Variants in PSD4 observed in about 807,000 individuals in gnomAD.
The protein encoded by PSD4 is pleckstrin and Sec7 domain containing 4.
A neutral mutation model predicts 112.5 loss-of-function variants in PSD4; 59 were observed. The observed-to-expected ratio is 0.52, with a 90% confidence interval of 0.43 to 0.65. The LOEUF (loss-of-function observed/expected upper bound fraction) is 0.65, where lower values mean the gene tolerates loss of function less well. PSD4 is among the 30% of genes least tolerant of loss of function. PSD4 has a pLI of 0.00. For missense variants in PSD4, 1,267 were observed against 1,352.6 expected (o/e 0.94, Z 0.99); for synonymous variants, 533 against 540.0 (o/e 0.99, Z 0.18).
rs1167604189 is a variant in PSD4 at position 113,207,136 on chromosome 2, C to T, written c.*5721C>T. ...CTCTCTGCTTCCTGGAAGTTTCAAACTCAAATCCAGGAATAGTCTCCTGTA... is the reference window on the plus strand; with the variant it reads ...CTCTCTGCTTCCTGGAAGTTTCAAATTCAAATCCAGGAATAGTCTCCTGTA... On this transcript the variant is annotated 3_prime_UTR_variant, in exon 17 of 17. Coordinates refer to ENST00000245796, the MANE Select transcript of PSD4 (RefSeq NM_012455.3). The T allele has an allele frequency of 6.6e-6, 1 of 152,170 alleles. No individual in the cohort carries two copies. The highest frequency in any genetic ancestry group is 1.5e-5 in the Non-Finnish European group (1 of 68,044). 9.4% of individuals were successfully genotyped at this position (152,170 alleles called of 1,614,324 possible).
chr2:113,193,319 C>G lies in PSD4; in HGVS notation c.1981C>G (p.Gln661Glu), dbSNP rs778695698. The G allele has an allele frequency of 1.1e-5, 18 of 1,601,430 alleles. No individual in the cohort carries two copies. Among genetic ancestry groups the G allele is most frequent in the Admixed American group, 3.6e-5 (2 of 55,492 alleles). Reference sequence around the variant, plus strand: ...TCAGGAACGGGAGCGAATCCTCTACCAGTTCTCCAGACGCTTCCACCATTG... The same window carrying G: ...TCAGGAACGGGAGCGAATCCTCTACGAGTTCTCCAGACGCTTCCACCATTG... Reference protein sequence around the residue: ...ETQERERILYQFSRRFHHCNP... With the variant: ...ETQERERILYEFSRRFHHCNP... The change falls in exon 8 of 17, where the codon CAG (glutamine) becomes GAG (glutamate). Residue 661 changes from glutamine (Q) to glutamate (E), a missense_variant. Gln to Glu is a conservative substitution (Grantham distance 29, BLOSUM62 2). Transcript: ENST00000245796.
At chr2:113,180,160 C>T (rs1473907699) in intron 1 of PSD4, among the ~76,000 whole-genome samples, 2 of 152,164 alleles carry the variant, frequency 1.3e-5, no homozygotes, top group Non-Finnish European at 2.9e-5. Context: ...CCCTGACCTT[C>T]GTGAGAGAGC....
At chr2:113,192,347 C>T in intron 5 of PSD4, 33 bp from the exon 6 acceptor site, 1 of 1,604,518 alleles carries the variant, frequency 6.2e-7, no homozygotes, top group Non-Finnish European at 8.5e-7. Flanking sequence ...TGCAAGAACA[C>T]TTGACCCAGA....
chr2:113,190,267 A>C (rs1688410382), intron 5 of PSD4, among the ~76,000 whole-genome samples: 1 of 152,146 alleles, frequency 6.6e-6, no homozygotes, highest in South Asian at 2.1e-4. Context: ...TTGTTGAAAA[A>C]GTGTGTCCTC....
intron 12 of PSD4, 68 bp from the exon 13 acceptor site, chr2:113,197,496 C>G: frequency 6.5e-7 from 1 of 1,547,954 alleles, no homozygotes; most frequent in Non-Finnish European, 8.9e-7. Context: ...TGCACACTTG[C>G]GTGTGTCTGA....
chr2:113,199,005 G>C (rs1381143049), intron 15 of PSD4, 78 bp from the exon 16 acceptor site: 1 of 1,512,198 alleles, frequency 6.6e-7, no homozygotes, highest in East Asian at 2.5e-5. Context: ...GAGGCGGCCA[G>C]GGGGGCGGCG....
At chr2:113,180,062 G>A (rs1688086784) in intron 1 of PSD4, among the ~76,000 whole-genome samples, 1 of 152,288 alleles carries the variant, frequency 6.6e-6, no homozygotes, top group East Asian at 1.9e-4. Flanking sequence ...ATGCATACTG[G>A]CCCTCCTTCC....
chr2:113,187,653 C>T (rs1688336341), intron 5 of PSD4, among the ~76,000 whole-genome samples: 1 of 152,232 alleles, frequency 6.6e-6, no homozygotes, highest in African/African-American at 2.4e-5. Context: ...TCTTCTGCTT[C>T]CCCCACAACG....
At chr2:113,186,356 A>C in intron 5 of PSD4, 101 bp downstream of exon 5, 1 of 1,262,560 alleles carries the variant, frequency 7.9e-7, no homozygotes, top group Non-Finnish European at 1.1e-6. Context: ...GGAATTAAAC[A>C]TACCCATATT....
At chr2:113,190,437 A>G (rs1688414200) in intron 5 of PSD4, among the ~76,000 whole-genome samples, 1 of 152,060 alleles carries the variant, frequency 6.6e-6, no homozygotes, top group Non-Finnish European at 1.5e-5. Context: ...AACAGCTGTT[A>G]TTATTATTAT....
intron 2 of PSD4, 27 bp downstream of exon 2, chr2:113,183,539 G>A (rs773302185): frequency 2.0e-6 from 3 of 1,504,506 alleles, no homozygotes; most frequent in Admixed American, 2.2e-5. Flanking sequence ...GAACCAACCG[G>A]GGCTGTGCTG....
chr2:113,203,581 G>T lies in PSD4; in HGVS notation c.*2166G>T, dbSNP rs11682347. On this transcript the variant is annotated 3_prime_UTR_variant, in exon 17 of 17. Coordinates refer to ENST00000245796, the MANE Select transcript of PSD4 (RefSeq NM_012455.3). ...TTTTTTTTTTTTTTTTTTTTTTTTT[G>T]GAGACGGAGTTTCGCTCTTGTAACC... 0.7 allele frequency: 21,784 copies of T among 31,234 alleles called. 7,926 individuals are homozygous for T. The highest frequency in any genetic ancestry group is 0.91 in the Middle Eastern group (40 of 44). The allele number at this position is 31,234 out of a possible 1,614,324, so 1.9% of individuals were successfully genotyped here.
chr2:113,192,188 C>T (rs1688460945), intron 5 of PSD4, among the ~76,000 whole-genome samples, 192 bp from the exon 6 acceptor site: 1 of 151,972 alleles, frequency 6.6e-6, no homozygotes, highest in African/African-American at 2.4e-5. Flanking sequence ...TGCATGAATA[C>T]CTTCCTCTCG....
In PSD4 at chr2:113,180,826, T is replaced by C. The variant is rs144228490; in HGVS notation, c.-111-1520T>C. Among the ~76,000 whole-genome samples the C allele has an allele frequency of 1.2e-3, 183 of 152,238 alleles. 1 individual carries two copies. The highest frequency in any genetic ancestry group is 2.0e-3 in the Non-Finnish European group (136 of 68,012). The stretch of plus-strand genomic sequence containing the variant: ...GGAGCATGTGTGTGTTTGTTAATAG[T>C]CTTGCTCCCCAAAATATTCTAATAT... On this transcript the variant is annotated intron_variant, in intron 1 of 16. Transcript: ENST00000245796.
chr2:113,184,927 C>G (rs1275352698), intron 2 of PSD4, 30 bp from the exon 3 acceptor site: 34 of 1,612,988 alleles, frequency 2.1e-5, no homozygotes, highest in Non-Finnish European at 2.9e-5. Context: ...TCCTCTCCTT[C>G]TCTCCTCTGT....
intron 1 of PSD4, among the ~76,000 whole-genome samples, chr2:113,181,715 T>C (rs939011066): frequency 6.6e-6 from 1 of 152,162 alleles, no homozygotes; most frequent in East Asian, 1.9e-4. Flanking sequence ...AGAGAGCCCC[T>C]TGCTGCTTCC....
intron 5 of PSD4, among the ~76,000 whole-genome samples, chr2:113,188,063 T>C (rs1688346401): frequency 6.6e-6 from 1 of 151,892 alleles, no homozygotes; most frequent in Non-Finnish European, 1.5e-5. Context: ...AAAATAAAAA[T>C]AAAGAATAAA....
Position 113,199,094 on chromosome 2 carries a change from T to G in PSD4, c.2781T>G (p.His927Gln), listed in dbSNP as rs1481819676. Reference protein sequence around the residue: ...GPAQSSLEEQHRSHENCLDAA... With the variant: ...GPAQSSLEEQQRSHENCLDAA... The stretch of plus-strand genomic sequence containing the variant: ...CCCGCTGCTCGCAGGAGGAGCAGCA[T>G]CGATCCCACGAGAACTGCCTGGACG... Residue 927 changes from histidine (H) to glutamine (Q), a missense_variant, in exon 16 of 17, where the codon CAT (histidine) becomes CAG (glutamine). Physicochemically the swap from His to Gln is conservative, Grantham distance 24. Around this residue, in one of 2 missense-constraint regions of PSD4, gnomAD observed 544 missense variants for 648.6 expected, o/e 0.84. Coordinates refer to ENST00000245796, the MANE Select transcript of PSD4 (RefSeq NM_012455.3). The G allele has an allele frequency of 1.8e-5, 28 of 1,533,186 alleles. No homozygotes were observed. The highest frequency in any genetic ancestry group is 2.5e-5 in the Non-Finnish European group (28 of 1,142,130). The allele number at this position is 1,533,186 out of a possible 1,614,324, so 95.0% of individuals were successfully genotyped here.
chr2:113,180,684 T>C (rs1688107023), intron 1 of PSD4, among the ~76,000 whole-genome samples: 1 of 143,588 alleles, frequency 7.0e-6, no homozygotes. Flanking sequence ...CGCAGGGGAC[T>C]GCTCATCTTT....
Sources: allele counts gnomAD v4.1 joint callset (sites outside exome capture counted in the v4.1 genomes callset), GRCh38; gene constraint gnomAD v4.1.1; regional missense constraint gnomAD v4.1.1; transcripts MANE v1.5; gene names NCBI Gene and HGNC (gene_info 2026-07-23, HGNC 2026-07-21).